ZFYVE9: variants seen among roughly 807,000 people sequenced by gnomAD.
ZFYVE9 encodes zinc finger FYVE-type containing 9.
In ZFYVE9, 43 loss-of-function variants were observed where a neutral mutation model predicts 126.7. The ratio of observed to expected loss-of-function variants is 0.34; its 90% CI spans 0.27 to 0.44. The LOEUF is 0.44. ZFYVE9 is among the 20% of genes least tolerant of loss of function. The probability of loss-of-function intolerance (pLI) is 1.00; values close to 1 mark genes in which losing one functional copy is unlikely to be tolerated. For missense variants in ZFYVE9, 1,476 were observed against 1,697.0 expected (o/e 0.87, Z 2.29); for synonymous variants, 521 against 597.4 (o/e 0.87, Z 1.87).
intron 13 of ZFYVE9, among the ~76,000 whole-genome samples, chr1:52,306,989 T>C (rs931431065): frequency 2.0e-5 from 3 of 152,122 alleles, no homozygotes; most frequent in East Asian, 1.9e-4. Flanking sequence ...CCTGCCAGGC[T>C]GAGTGGCCGG....
chr1:52,326,201 A>G (rs1394357269), intron 13 of ZFYVE9, among the ~76,000 whole-genome samples: 3 of 152,180 alleles, frequency 2.0e-5, no homozygotes, highest in African/African-American at 7.2e-5. Context: ...CATTCTCAAT[A>G]ATTTGTAAAC....
At chr1:52,186,032 G>A (rs12082542) in intron 1 of ZFYVE9, among the ~76,000 whole-genome samples, 5,396 of 147,402 alleles carry the variant, frequency 0.037, 238 homozygotes, top group African/African-American at 0.11. Flanking sequence ...CTTGAGGTCA[G>A]GAGTTCAAGA....
At chr1:52,321,507 A>G (rs975899521) in intron 13 of ZFYVE9, among the ~76,000 whole-genome samples, 6 of 152,216 alleles carry the variant, frequency 3.9e-5, no homozygotes, top group Non-Finnish European at 8.8e-5. Flanking sequence ...TGTTCAAATA[A>G]AAGAATCCTC....
At chr1:52,176,444 A>G (rs1644629997) in intron 1 of ZFYVE9, among the ~76,000 whole-genome samples, 3 of 152,224 alleles carry the variant, frequency 2.0e-5, no homozygotes, top group African/African-American at 4.8e-5. Context: ...TCAAGGGTCA[A>G]GGACCCACTT....
At chr1:52,332,999 A>C in intron 14 of ZFYVE9, 81 bp downstream of exon 14, 1 of 1,546,652 alleles carries the variant, frequency 6.5e-7, no homozygotes, top group Non-Finnish European at 8.8e-7. Flanking sequence ...GTCCCGTAAC[A>C]CTCACTTTCT....
chr1:52,149,728 C>G (rs371300167), intron 1 of ZFYVE9, among the ~76,000 whole-genome samples: 2 of 152,042 alleles, frequency 1.3e-5, no homozygotes, highest in African/African-American at 4.8e-5. Flanking sequence ...CTCCTGACCT[C>G]GTGATCCACC....
intron 2 of ZFYVE9, among the ~76,000 whole-genome samples, chr1:52,230,076 G>A (rs1645204245): frequency 6.6e-6 from 1 of 152,070 alleles, no homozygotes; most frequent in Admixed American, 6.5e-5. Context: ...CACCGTGTTA[G>A]CCAGGATGGT....
chr1:52,280,340 A>G (rs1247125809), intron 9 of ZFYVE9, among the ~76,000 whole-genome samples: 1 of 149,776 alleles, frequency 6.7e-6, no homozygotes, highest in Non-Finnish European at 1.5e-5. Context: ...AGATCATGAC[A>G]CTGCACTCCA....
At chr1:52,294,947 A>G (rs1645958569) in intron 11 of ZFYVE9, among the ~76,000 whole-genome samples, 1 of 152,238 alleles carries the variant, frequency 6.6e-6, no homozygotes, top group South Asian at 2.1e-4. Flanking sequence ...TCATGCCTCT[A>G]ATTCCAGCAC....
intron 3 of ZFYVE9, among the ~76,000 whole-genome samples, chr1:52,235,948 C>A (rs1284142865): frequency 6.6e-6 from 1 of 152,130 alleles, no homozygotes; most frequent in Non-Finnish European, 1.5e-5. Context: ...CAAATTGATA[C>A]ACTGTATGCC....
At chr1:52,294,168 TA>T (rs1338579028) in intron 11 of ZFYVE9, among the ~76,000 whole-genome samples, 1 of 152,246 alleles carries the variant, frequency 6.6e-6, no homozygotes, top group Non-Finnish European at 1.5e-5. Flanking sequence ...CATTAATGGT[TA>T]AATGCAAACT....
At chr1:52,178,152 G>A (rs572385537) in intron 1 of ZFYVE9, among the ~76,000 whole-genome samples, 91 of 151,360 alleles carry the variant, frequency 6.0e-4, no homozygotes, top group South Asian at 1.3e-3. Context: ...GGTGGCTGGC[G>A]CCTGTAGTCT....
intron 1 of ZFYVE9, among the ~76,000 whole-genome samples, chr1:52,172,082 A>G (rs1385960981): frequency 3.9e-5 from 6 of 152,090 alleles, no homozygotes; most frequent in African/African-American, 1.4e-4. Context: ...GCCCATGCCT[A>G]TGTCCTGAAT....
intron 13 of ZFYVE9, among the ~76,000 whole-genome samples, chr1:52,330,034 TAAC>T (rs1646326344): frequency 6.6e-6 from 1 of 151,554 alleles, no homozygotes; most frequent in Non-Finnish European, 1.5e-5. Flanking sequence ...TAACATAACA[TAAC>T]ATAACATAAC....
At chr1:52,189,808 A>G (rs986955938) in intron 1 of ZFYVE9, 3 of 151,910 alleles carry the variant, frequency 2.0e-5, no homozygotes, top group Admixed American at 6.6e-5. Flanking sequence ...TTTTGAGTTA[A>G]TTTTTGTATA....
intron 1 of ZFYVE9, among the ~76,000 whole-genome samples, chr1:52,182,292 T>G (rs1293875465): frequency 2.0e-5 from 3 of 151,696 alleles, no homozygotes; most frequent in African/African-American, 7.3e-5. Context: ...ACAGTGGCGG[T>G]TTTGTGGAAT....
chr1:52,311,915 T>C (rs1033537201), intron 13 of ZFYVE9, among the ~76,000 whole-genome samples: 7 of 152,084 alleles, frequency 4.6e-5, no homozygotes, highest in Admixed American at 4.6e-4. Context: ...CTCAGCCTCC[T>C]GAGTAGCTGA....
chr1:52,192,271 G>A (rs1489483589), intron 1 of ZFYVE9, among the ~76,000 whole-genome samples: 1 of 152,150 alleles, frequency 6.6e-6, no homozygotes, highest in Non-Finnish European at 1.5e-5. Context: ...AGGCATTGTG[G>A]GAGTGATACC....
intron 2 of ZFYVE9, among the ~76,000 whole-genome samples, chr1:52,219,144 G>C (rs1003305210): frequency 5.9e-5 from 9 of 152,032 alleles, no homozygotes; most frequent in African/African-American, 1.9e-4. Flanking sequence ...GTCGGGGGTG[G>C]TGCTGGTTTT....
Sources: gnomAD v4.1 joint callset for allele counts (sites outside exome capture counted in the v4.1 genomes callset) on GRCh38, gnomAD v4.1.1 for gene constraint, MANE v1.5 for transcripts, NCBI Gene and HGNC (gene_info 2026-07-23, HGNC 2026-07-21) for gene names.